The following NPIPB2 variants were observed in gnomAD, a reference collection of about 807,000 sequenced individuals.
NPIPB2 encodes the protein nuclear pore complex-interacting protein family member B2.
A neutral mutation model predicts 30.8 loss-of-function variants in NPIPB2; 27 were observed. The observed-to-expected ratio is 0.88, with a 90% confidence interval of 0.65 to 1.21. The LOEUF is 1.21. NPIPB2 is among the 50% of genes most tolerant of loss of function. NPIPB2 has a pLI of 0.00. For synonymous variants in NPIPB2, 147 were observed against 162.0 expected (o/e 0.91, Z 0.70); for missense variants, 440 against 446.2 (o/e 0.99, Z 0.13).
At position 11,930,571 on chromosome 16, in the gene NPIPB2, A is replaced by G. The variant is rs1220648157; in HGVS notation, c.489-20T>C. ...AGTTTCCTCAGATTAGAAGGGAGAG[A>G]AATGCACACACATGATCCACCAGCC... is the stretch of plus-strand genomic sequence containing the variant. On this transcript the variant is annotated intron_variant, in intron 4 of 7. Transcript: ENST00000399147. 1.3e-5 allele frequency: 20 copies of G among 1,543,698 alleles called. No individual in the cohort carries two copies. Among genetic ancestry groups the G allele is most frequent in the Admixed American group, 1.9e-5 (1 of 53,674 alleles).
At chr16:11,968,281 A>T (rs1347333410) in intron 1 of NPIPB2, among the ~76,000 whole-genome samples, 1 of 152,174 alleles carries the variant, frequency 6.6e-6, no homozygotes, top group Non-Finnish European at 1.5e-5. Context: ...ATTTGAGACC[A>T]GCCTGGCCAA....
Position 11,951,366 on chromosome 16 carries a change from A to T in NPIPB2, c.-583-9252T>A, listed in dbSNP as rs1249971039. 1.4e-5 allele frequency among the ~76,000 whole-genome samples: 2 copies of T among 143,522 alleles called. 1 individual carries two copies. Among genetic ancestry groups the T allele is most frequent in the East Asian group, 4.5e-4 (2 of 4,436 alleles). 94.2% of individuals were successfully genotyped at this position (143,522 alleles called of 152,430 possible). ...GTAGTCCCAGCTACTCGGGAGGCTGAGGCAGGAGAATGGCGTGAACCTGGG... is the reference window on the plus strand; with the variant it reads ...GTAGTCCCAGCTACTCGGGAGGCTGTGGCAGGAGAATGGCGTGAACCTGGG... On this transcript the variant is annotated intron_variant, in intron 1 of 5. Transcript: ENST00000538896.
At chr16:11,956,842 A>C (rs2055116702) in intron 1 of NPIPB2, among the ~76,000 whole-genome samples, 1 of 152,062 alleles carries the variant, frequency 6.6e-6, no homozygotes, top group Non-Finnish European at 1.5e-5. Flanking sequence ...AGTTGGCTTC[A>C]CCCCAGGGGT....
At chr16:11,974,318 G>T (rs745601667) in intron 1 of NPIPB2, among the ~76,000 whole-genome samples, 21 of 152,084 alleles carry the variant, frequency 1.4e-4, no homozygotes, top group Non-Finnish European at 2.8e-4. Flanking sequence ...AGGAGTTCAA[G>T]GCTGACCAAC....
intron 1 of NPIPB2, among the ~76,000 whole-genome samples, chr16:11,953,740 G>C (rs529660398): frequency 6.0e-5 from 8 of 132,500 alleles, no homozygotes; most frequent in Middle Eastern, 5.1e-3. Flanking sequence ...TTTTGAGACG[G>C]AGCCTTTCTC....
chr16:11,938,821 T>G (rs554004126), intron 1 of NPIPB2, among the ~76,000 whole-genome samples: 14 of 152,276 alleles, frequency 9.2e-5, no homozygotes, highest in Non-Finnish European at 1.8e-4. Flanking sequence ...TGATCTCAGC[T>G]CACTGCAACC....
intron 1 of NPIPB2, chr16:11,967,997 C>G (rs989485945): frequency 1.2e-6 from 1 of 864,150 alleles, no homozygotes; most frequent in Non-Finnish European, 1.7e-6. Context: ...AGATATATTT[C>G]TCTAGGTTAC....
Position 11,952,635 on chromosome 16 carries a change from G to A in NPIPB2, c.-583-10521C>T, listed in dbSNP as rs28641520. On this transcript the variant is annotated intron_variant, in intron 1 of 5. Transcript: ENST00000538896. ...GCTGAAGTGCAGTGGCACAATCTCG[G>A]CTCACTGCAACCTCTGCCTCCAGGA... Among the ~76,000 whole-genome samples, 1,390 of 149,938 alleles carry A rather than the reference G, an allele frequency of 9.3e-3. 19 individuals are homozygous for A. Among genetic ancestry groups the A allele is most frequent in the African/African-American group, 0.033 (1,330 of 40,780 alleles).
chr16:11,932,963 TAA>T (rs770388601), intron 4 of NPIPB2, among the ~76,000 whole-genome samples: 31 of 121,548 alleles, frequency 2.6e-4, no homozygotes, highest in Admixed American at 3.3e-4. Context: ...ATCTCAAAAT[TAA>T]AAAAAAAAAA....
upstream of NPIPB2, among the ~76,000 whole-genome samples, chr16:11,943,718 G>A (rs1042949313): frequency 5.4e-5 from 8 of 147,972 alleles, no homozygotes; most frequent in African/African-American, 1.3e-4. Context: ...AAAAAAAAAA[G>A]CCAGGCACGG....
At chr16:11,973,257 T>G (rs924039928) in intron 1 of NPIPB2, among the ~76,000 whole-genome samples, 3 of 151,798 alleles carry the variant, frequency 2.0e-5, no homozygotes, top group African/African-American at 7.3e-5. Context: ...TTTCCCATCA[T>G]GGCCTGAACT....
upstream of NPIPB2, among the ~76,000 whole-genome samples, chr16:11,943,523 G>A (rs1296121202): frequency 1.3e-5 from 2 of 151,732 alleles, no homozygotes; most frequent in Non-Finnish European, 1.5e-5. Context: ...CCAACATGGT[G>A]AAACCCCGTC....
chr16:11,951,552 T>A (rs893686089), intron 1 of NPIPB2, among the ~76,000 whole-genome samples: 2 of 147,872 alleles, frequency 1.4e-5, no homozygotes, highest in African/African-American at 5.0e-5. Context: ...TCTTTATACA[T>A]CCTTCTCCTC....
intron 1 of NPIPB2, chr16:11,976,464 C>G (rs760435417): frequency 1.4e-4 from 44 of 308,058 alleles, no homozygotes; most frequent in Non-Finnish European, 2.5e-4. Context: ...GCATCCCTCT[C>G]TGGGACGAAG....
intron 2 of NPIPB2, among the ~76,000 whole-genome samples, chr16:11,936,643 A>G (rs986677746): frequency 4.8e-5 from 7 of 144,632 alleles, no homozygotes; most frequent in Non-Finnish European, 1.1e-4. Context: ...CAACTTACCC[A>G]AAGGAAAAAA....
chr16:11,961,304 T>C (rs1220011483), intron 1 of NPIPB2, among the ~76,000 whole-genome samples: 3 of 152,186 alleles, frequency 2.0e-5, no homozygotes, highest in African/African-American at 7.2e-5. Flanking sequence ...CTCCCTGTCC[T>C]GCCTAGGCAG....
At chr16:11,954,139 G>A (rs1381101084) in intron 1 of NPIPB2, among the ~76,000 whole-genome samples, 5 of 151,828 alleles carry the variant, frequency 3.3e-5, no homozygotes. Context: ...CTAGTAATCT[G>A]CTTTGTATCT....
rs1175998928 is a variant in NPIPB2 at position 11,968,720 on chromosome 16, G to C, written c.-584+7848C>G. On this transcript the variant is annotated intron_variant, in intron 1 of 5. Transcript: ENST00000538896. ...TCCACACTATCCACTCTCCACTGAG[G>C]TTGTTGCAAACAACCTCAATCATCC... The C allele has an allele frequency of 2.0e-5, 3 of 152,002 alleles. No individual in the cohort carries two copies. In the South Asian group the frequency reaches 6.2e-4, roughly 32 times the overall value. The allele number at this position is 152,002 out of a possible 1,614,324, so 9.4% of individuals were successfully genotyped here. A position where few individuals can be genotyped will look rare whatever the true frequency, so the allele number is the denominator to read the frequency against.
intron 1 of NPIPB2, among the ~76,000 whole-genome samples, chr16:11,956,924 G>A (rs1344510678): frequency 1.3e-5 from 2 of 152,192 alleles, no homozygotes. Flanking sequence ...AGCTGGCCCT[G>A]CCTCCTCATT....
Sources: allele counts gnomAD v4.1 joint callset (sites outside exome capture counted in the v4.1 genomes callset), GRCh38; gene constraint gnomAD v4.1.1; transcripts MANE v1.5; gene names NCBI Gene and HGNC (gene_info 2026-07-23, HGNC 2026-07-21).